Variants in ADGB observed in about 807,000 individuals in gnomAD.
ADGB encodes the protein calpain-7-like protein.
Under a neutral mutation model 210.5 loss-of-function variants are expected in ADGB, and 172 were observed. The ratio of observed to expected loss-of-function variants is 0.82; its 90% CI spans 0.72 to 0.93. The LOEUF (loss-of-function observed/expected upper bound fraction) is 0.93. Among genes scored for constraint, ADGB ranks in the 40% least tolerant of loss-of-function variants. ADGB has a pLI of 0.00. For missense variants in ADGB, 2,025 were observed against 1,964.8 expected (o/e 1.03, Z -0.58); for synonymous variants, 658 against 662.7 (o/e 0.99, Z 0.11).
At chr6:146,766,211 C>G (rs990650003) in intron 28 of ADGB, among the ~76,000 whole-genome samples, 2 of 151,682 alleles carry the variant, frequency 1.3e-5, no homozygotes, top group Admixed American at 1.3e-4. Flanking sequence ...TCACTTGAGA[C>G]TAGGAGTTCG....
chr6:146,799,818 G>A (rs923750670), intron 33 of ADGB, among the ~76,000 whole-genome samples: 1 of 151,830 alleles, frequency 6.6e-6, no homozygotes, highest in African/African-American at 2.4e-5. Flanking sequence ...TGTTGTTGTT[G>A]TTGTTTTCTG....
chr6:146,692,479 G>A (rs932508561), intron 11 of ADGB, among the ~76,000 whole-genome samples: 2 of 151,754 alleles, frequency 1.3e-5, no homozygotes, highest in Admixed American at 6.6e-5. Context: ...TTAACTAAGG[G>A]AACTTTTTTT....
intron 1 of ADGB, among the ~76,000 whole-genome samples, chr6:146,609,180 G>T (rs1180518408): frequency 3.9e-5 from 6 of 152,140 alleles, no homozygotes; most frequent in Admixed American, 3.9e-4. Flanking sequence ...TCTGAAATAA[G>T]AATAGCAACT....
intron 2 of ADGB, among the ~76,000 whole-genome samples, chr6:146,636,338 A>G (rs941661408): frequency 6.6e-6 from 1 of 152,074 alleles, no homozygotes; most frequent in Non-Finnish European, 1.5e-5. Flanking sequence ...TTTTGTTCAC[A>G]AAAGATTGTA....
intron 1 of ADGB, among the ~76,000 whole-genome samples, chr6:146,618,406 A>G (rs1402762332): frequency 6.6e-6 from 1 of 151,586 alleles, no homozygotes; most frequent in Non-Finnish European, 1.5e-5. Flanking sequence ...TCTTCCACTA[A>G]TGTTGTGTTT....
At chr6:146,727,085 G>A (rs1274385113) in intron 19 of ADGB, among the ~76,000 whole-genome samples, 3 of 151,356 alleles carry the variant, frequency 2.0e-5, no homozygotes, top group Non-Finnish European at 2.9e-5. Context: ...GGTTTTAGAT[G>A]TCCTTTGTAC....
intron 12 of ADGB, among the ~76,000 whole-genome samples, chr6:146,699,350 G>T (rs902579563): frequency 1.3e-4 from 20 of 152,108 alleles, no homozygotes; most frequent in African/African-American, 4.6e-4. Flanking sequence ...GAGAATCCAG[G>T]GAGTTGTTGG....
At position 146,788,381 on chromosome 6, in the gene ADGB, T is replaced by A. The variant is rs1459856511; in HGVS notation, c.4316-8T>A. ...AGCTTTTTCAGTAATGCACATGTCA[T>A]GTTGTAGTAGAAACAGCTGCACGTG... On this transcript the variant is annotated splice_polypyrimidine_tract_variant and splice_region_variant and intron_variant, in intron 32 of 35. Transcript: ENST00000397944. 2 of 1,550,664 alleles carry A rather than the reference T, an allele frequency of 1.3e-6. No homozygotes were observed. Among genetic ancestry groups the A allele is most frequent in the African/African-American group, 2.7e-5 (2 of 73,012 alleles).
At chr6:146,800,225 G>A (rs188498875) in intron 33 of ADGB, among the ~76,000 whole-genome samples, 7 of 152,038 alleles carry the variant, frequency 4.6e-5, no homozygotes, top group East Asian at 1.9e-4. Flanking sequence ...TCAAAACACC[G>A]TGGTTTGACA....
intron 16 of ADGB, among the ~76,000 whole-genome samples, chr6:146,719,422 C>T (rs1776784516): frequency 7.0e-6 from 1 of 142,018 alleles, no homozygotes; most frequent in African/African-American, 2.7e-5. Context: ...TATGACATTC[C>T]TTTTATTTCC....
chr6:146,695,722 A>T (rs1248339485), intron 12 of ADGB, among the ~76,000 whole-genome samples: 2 of 152,018 alleles, frequency 1.3e-5, no homozygotes, highest in Non-Finnish European at 2.9e-5. Flanking sequence ...TTTCTTCTAA[A>T]TATTAAAAGG....
In ADGB at chr6:146,655,414, C is replaced by T. The variant is rs533214929; in HGVS notation, c.402+1208C>T. ...TTCCTGTGGGAACTCATCTCCCCAC[C>T]TCCTACTCCCCACCTCCCTGCCCCA... On this transcript the variant is annotated intron_variant, in intron 4 of 35. Transcript: ENST00000397944. Among the ~76,000 whole-genome samples the T allele has an allele frequency of 2.0e-5, 3 of 152,230 alleles. No homozygotes were observed. The South Asian group carries it at 6.2e-4, about 32-fold the overall frequency.
chr6:146,810,230 G>C (rs1297644476), intron 35 of ADGB, among the ~76,000 whole-genome samples: 1 of 152,150 alleles, frequency 6.6e-6, no homozygotes, highest in Non-Finnish European at 1.5e-5. Flanking sequence ...TTAATCATTA[G>C]AGAAATGCAA....
Position 146,746,004 on chromosome 6 carries a change from C to T in ADGB, c.3260C>T (p.Ser1087Phe). 6.4e-7 allele frequency: 1 copy of T among 1,551,366 alleles called. No homozygotes were observed. Among genetic ancestry groups the T allele is most frequent in the Non-Finnish European group, 8.7e-7 (1 of 1,146,794 alleles). Residue 1087 changes from serine (S) to phenylalanine (F), a missense_variant, in exon 26 of 36, where the codon TCT becomes TTT. By Grantham distance (155) the Ser-to-Phe change is radical (BLOSUM62 -2). Coordinates refer to ENST00000397944, the MANE Select transcript of ADGB (RefSeq NM_024694.4). ...ASRWKLRLIGSSAPLPCLSRD... is the reference protein window; with the variant it reads ...ASRWKLRLIGFSAPLPCLSRD... ...CGATGGAAACTGCGTCTCATCGGTT[C>T]TTCTGCTCCACTGCCATGCCTCTCT...
chr6:146,652,729 C>T (rs571413616), intron 3 of ADGB, among the ~76,000 whole-genome samples: 5 of 151,956 alleles, frequency 3.3e-5, no homozygotes, highest in Admixed American at 6.6e-5. Flanking sequence ...AAAGCTATCA[C>T]AATCTCAAAA....
At chr6:146,795,082 A>G (rs1246798104) in intron 33 of ADGB, among the ~76,000 whole-genome samples, 1 of 152,210 alleles carries the variant, frequency 6.6e-6, no homozygotes, top group Non-Finnish European at 1.5e-5. Flanking sequence ...ATTAAAGAAA[A>G]TCATTACAAA....
At chr6:146,642,796 G>C (rs920816901) in intron 2 of ADGB, among the ~76,000 whole-genome samples, 3 of 151,788 alleles carry the variant, frequency 2.0e-5, no homozygotes, top group African/African-American at 4.8e-5. Flanking sequence ...GAGCAGAAAA[G>C]ATAACTATTG....
intron 1 of ADGB, among the ~76,000 whole-genome samples, chr6:146,633,173 C>T (rs1015731102): frequency 2.0e-5 from 3 of 152,004 alleles, no homozygotes; most frequent in Non-Finnish European, 2.9e-5. Context: ...GGTCTTCTGT[C>T]GATAAGGAAA....
chr6:146,670,100 A>G (rs1775987640), intron 7 of ADGB, among the ~76,000 whole-genome samples: 1 of 152,122 alleles, frequency 6.6e-6, no homozygotes, highest in South Asian at 2.1e-4. Flanking sequence ...CTGCATTATT[A>G]CCATCCTAGT....
Sources: gnomAD v4.1 joint callset for allele counts (sites outside exome capture counted in the v4.1 genomes callset) on GRCh38, gnomAD v4.1.1 for gene constraint, MANE v1.5 for transcripts, NCBI Gene and HGNC (gene_info 2026-07-23, HGNC 2026-07-21) for gene names.